Variants in ARHGEF10 observed in about 807,000 individuals in gnomAD.
The protein encoded by ARHGEF10 is Rho guanine nucleotide exchange factor (GEF) 10.
Under a neutral mutation model 147.4 loss-of-function variants are expected in ARHGEF10, and 140 were observed. That is an observed-to-expected ratio of 0.95 (90% CI 0.83 to 1.09). ARHGEF10 has a LOEUF of 1.09. ARHGEF10 is among the 50% of genes least tolerant of loss of function. The pLI is 0.00. For synonymous variants in ARHGEF10, 902 were observed against 695.8 expected, an observed-to-expected ratio of 1.30 and a Z score of -4.67; for missense variants, 2,222 against 1,752.7, an observed-to-expected ratio of 1.27 and a Z score of -4.78.
At chr8:1,855,488 C>A (rs926737106) in intron 2 of ARHGEF10, among the ~76,000 whole-genome samples, 2 of 151,986 alleles carry the variant, frequency 1.3e-5, no homozygotes, top group African/African-American at 4.8e-5. Flanking sequence ...TTCAGGTGAT[C>A]CTCCCACCTC....
chr8:1,891,088 T>C (rs1428017665), intron 11 of ARHGEF10, among the ~76,000 whole-genome samples: 1 of 152,232 alleles, frequency 6.6e-6, no homozygotes, highest in African/African-American at 2.4e-5. Context: ...AATGGTTCAG[T>C]GAAGTCCTGT....
Position 1,925,371 on chromosome 8 carries a change from G to T in ARHGEF10, c.2577G>T (p.Met859Ile). ...AGCATCCTCTCCTCGTCGGACACAT[G>T]CCCGTGATGGTGGCCAAGCAGCAGG... ...KEKHPLLVGH[M>I]PVMVAKQQEF... Residue 859 changes from methionine to isoleucine, a missense_variant, in exon 22 of 29, where the codon ATG becomes ATT. By Grantham distance (10) the Met-to-Ile change is conservative (BLOSUM62 1). Coordinates refer to ENST00000349830, the MANE Select transcript of ARHGEF10 (RefSeq NM_014629.4). 1 of 1,614,176 alleles carries T rather than the reference G, an allele frequency of 6.2e-7. No homozygotes were observed. Among genetic ancestry groups the T allele is most frequent in the Non-Finnish European group, 8.5e-7 (1 of 1,180,036 alleles).
At chr8:1,924,028 C>G (rs1812496893) in intron 21 of ARHGEF10, among the ~76,000 whole-genome samples, 154 bp downstream of exon 21, 1 of 152,128 alleles carries the variant, frequency 6.6e-6, no homozygotes, top group Non-Finnish European at 1.5e-5. Context: ...CACCCTGGCA[C>G]CGGCGATTTT....
At position 1,923,833 on chromosome 8, in the gene ARHGEF10, A is replaced by C; in HGVS notation, c.2447A>C (p.Glu816Ala). The change falls in exon 21 of 29, where the codon GAG becomes GCG. Residue 816 changes from glutamate (E) to alanine (A), a missense_variant. Glu to Ala is a moderately radical substitution (Grantham distance 107). Coordinates refer to ENST00000349830, the MANE Select transcript of ARHGEF10 (RefSeq NM_014629.4). ...AATACGTTCACCCCTGCCATCAAGG[A>C]GTCCTGGGTCAACAGCTTACAGATG... is the stretch of plus-strand genomic sequence containing the variant. ...VFNTFTPAIK[E>A]SWVNSLQMAK... 6.2e-7 allele frequency: 1 copy of C among 1,614,184 alleles called. No individual in the cohort carries two copies. Among genetic ancestry groups the C allele is most frequent in the Non-Finnish European group, 8.5e-7 (1 of 1,180,038 alleles).
intron 10 of ARHGEF10, among the ~76,000 whole-genome samples, chr8:1,883,417 C>G (rs948906034): frequency 6.6e-6 from 1 of 152,130 alleles, no homozygotes; most frequent in South Asian, 2.1e-4. Context: ...CTGGCATTTC[C>G]TGGTTGTTTC....
intron 1 of ARHGEF10, among the ~76,000 whole-genome samples, chr8:1,829,419 T>C (rs1263090870): frequency 6.6e-6 from 1 of 152,212 alleles, no homozygotes; most frequent in Non-Finnish European, 1.5e-5. Context: ...TGAAGTCCGC[T>C]GAGGGCTGGA....
chr8:1,936,067 T>A (rs1397383082), intron 26 of ARHGEF10, among the ~76,000 whole-genome samples: 1 of 152,234 alleles, frequency 6.6e-6, no homozygotes, highest in Non-Finnish European at 1.5e-5. Context: ...ACACCTGCAT[T>A]TTTCAGCCGT....
Position 1,907,817 on chromosome 8 carries a change from G to T in ARHGEF10, c.1968-1478G>T, listed in dbSNP as rs528166969. On this transcript the variant is annotated intron_variant, in intron 17 of 28. Transcript: ENST00000349830. Reference sequence around the variant, plus strand: ...ATGTTGTCAGTGTGAGATTTTCAGCGACAGTGCCCGAAGGTGATGAGATGA... The same window carrying T: ...ATGTTGTCAGTGTGAGATTTTCAGCTACAGTGCCCGAAGGTGATGAGATGA... 8.1e-4 allele frequency among the ~76,000 whole-genome samples: 124 copies of T among 152,242 alleles called. 2 individuals carry two copies. Among genetic ancestry groups the T allele is most frequent in the Non-Finnish European group, 1.4e-3 (96 of 68,026 alleles).
At chr8:1,899,028 G>A (rs997517256) in intron 15 of ARHGEF10, among the ~76,000 whole-genome samples, 9 of 152,234 alleles carry the variant, frequency 5.9e-5, no homozygotes, top group African/African-American at 1.7e-4. Context: ...CGAGGACAGG[G>A]AGATGCTGCG....
intron 8 of ARHGEF10, among the ~76,000 whole-genome samples, chr8:1,878,973 G>A (rs148496378): frequency 6.6e-6 from 1 of 152,208 alleles, no homozygotes; most frequent in African/African-American, 2.4e-5. Context: ...ATACTGTGTG[G>A]GGTGCAGACA....
intron 7 of ARHGEF10, among the ~76,000 whole-genome samples, chr8:1,874,010 A>G (rs760895233): frequency 8.5e-5 from 13 of 152,242 alleles, no homozygotes; most frequent in Non-Finnish European, 1.8e-4. Flanking sequence ...GCCAACGACA[A>G]GATTGTCATC....
chr8:1,910,191 C>G (rs948453958), intron 18 of ARHGEF10, among the ~76,000 whole-genome samples: 1 of 152,096 alleles, frequency 6.6e-6, no homozygotes, highest in African/African-American at 2.4e-5. Flanking sequence ...TGCATGGGAA[C>G]TTTCAGTTAA....
chr8:1,901,304 C>T (rs1217405801), intron 15 of ARHGEF10, among the ~76,000 whole-genome samples: 2 of 152,138 alleles, frequency 1.3e-5, no homozygotes, highest in Non-Finnish European at 1.5e-5. Context: ...TGTCCCCTTC[C>T]TCCCAGTGAC....
At chr8:1,953,565 G>A (rs1165474453) in intron 28 of ARHGEF10, among the ~76,000 whole-genome samples, 1 of 152,234 alleles carries the variant, frequency 6.6e-6, no homozygotes, top group African/African-American at 2.4e-5. Flanking sequence ...CCAGGGAATT[G>A]GCCCAGGAAA....
chr8:1,832,363 GAC>G (rs1803174333), intron 1 of ARHGEF10, among the ~76,000 whole-genome samples: 1 of 128,516 alleles, frequency 7.8e-6, no homozygotes, highest in Non-Finnish European at 1.7e-5. Flanking sequence ...GACAGGCAGA[GAC>G]AGAGACAGAG....
Position 1,880,202 on chromosome 8 carries a change from G to T in ARHGEF10, c.960+38G>T, listed in dbSNP as rs1359421177. 6.1e-6 allele frequency: 9 copies of T among 1,483,970 alleles called. No individual in the cohort carries two copies. The Admixed American group carries it at 1.2e-4, about 19-fold the overall frequency. 91.9% of individuals were successfully genotyped at this position (1,483,970 alleles called of 1,614,324 possible). On this transcript the variant is annotated intron_variant, in intron 9 of 28. Coordinates refer to ENST00000349830, the MANE Select transcript of ARHGEF10 (RefSeq NM_014629.4). The stretch of plus-strand genomic sequence containing the variant: ...CCCCGGCCGCTGCCCCCACTTGCCA[G>T]CCGGGCAGTAAAGAAAAACCGCGCG...
At position 1,889,014 on chromosome 8, in the gene ARHGEF10, G is replaced by A. The variant is rs1307225647; in HGVS notation, c.1182+3307G>A. ...AGGGGTCTACAAGGAGTCACGGAGT[G>A]CAGTGAGAGTTGTGAGGAAACATGG... On this transcript the variant is annotated intron_variant, in intron 11 of 28. Transcript: ENST00000349830. Among the ~76,000 whole-genome samples, 5 of 109,466 alleles carry A rather than the reference G, an allele frequency of 4.6e-5. 1 individual carries two copies. Among genetic ancestry groups the A allele is most frequent in the African/African-American group, 1.5e-4 (4 of 26,514 alleles). 71.8% of individuals were successfully genotyped at this position (109,466 alleles called of 152,430 possible). A position where few individuals can be genotyped will look rare whatever the true frequency, so the allele number is the denominator to read the frequency against.
At chr8:1,873,683 G>GTTT (rs1694116402) in intron 7 of ARHGEF10, among the ~76,000 whole-genome samples, 1 of 141,450 alleles carries the variant, frequency 7.1e-6, no homozygotes, top group African/African-American at 2.6e-5. Context: ...GCATTTCCTC[G>GTTT]TTTCATTGAG....
In ARHGEF10 at chr8:1,955,119, A is replaced by G. The variant is rs60347065; in HGVS notation, c.3521-1630A>G. Among the ~76,000 whole-genome samples the G allele has an allele frequency of 3.1e-3, 194 of 62,940 alleles. 4 individuals carry two copies. The highest frequency in any genetic ancestry group is 0.013 in the Middle Eastern group (1 of 80). The allele number at this position is 62,940 out of a possible 152,430, so 41.3% of individuals were successfully genotyped here. On this transcript the variant is annotated intron_variant, in intron 28 of 28. Coordinates refer to ENST00000349830, the MANE Select transcript of ARHGEF10 (RefSeq NM_014629.4). ...CTGGAGGATAGCCAGGTGCTCCCTGAAAGGAGGTGCACTCTCACTGTTCCT... is the reference window on the plus strand; with the variant it reads ...CTGGAGGATAGCCAGGTGCTCCCTGGAAGGAGGTGCACTCTCACTGTTCCT...
Sources: gnomAD v4.1 joint callset for allele counts (sites outside exome capture counted in the v4.1 genomes callset) on GRCh38, gnomAD v4.1.1 for gene constraint, MANE v1.5 for transcripts, NCBI Gene and HGNC (gene_info 2026-07-23, HGNC 2026-07-21) for gene names.